KCNQ3: variants seen among roughly 807,000 people sequenced by gnomAD.
KCNQ3 encodes potassium voltage-gated channel subfamily Q member 3.
In KCNQ3, 30 loss-of-function variants were observed where a neutral mutation model predicts 92.5. The ratio of observed to expected loss-of-function variants is 0.32; its 90% CI spans 0.24 to 0.44. The LOEUF is 0.44. KCNQ3 is among the 20% of genes least tolerant of loss of function. The pLI, the probability that KCNQ3 is intolerant of heterozygous loss-of-function variation, is 1.00. For missense variants in KCNQ3, 913 were observed against 1,140.3 expected, an observed-to-expected ratio of 0.80 and a Z score of 2.87; for synonymous variants, 450 against 468.8, an observed-to-expected ratio of 0.96 and a Z score of 0.52.
At chr8:132,405,563 C>T (rs905390803) in intron 1 of KCNQ3, among the ~76,000 whole-genome samples, 5 of 152,120 alleles carry the variant, frequency 3.3e-5, no homozygotes, top group Admixed American at 2.6e-4. Flanking sequence ...GATAAAGCAC[C>T]CACTCAGTGT....
intron 1 of KCNQ3, among the ~76,000 whole-genome samples, chr8:132,444,767 T>C (rs891117671): frequency 2.6e-5 from 4 of 152,174 alleles, no homozygotes; most frequent in African/African-American, 9.7e-5. Context: ...TTTGGTGGCA[T>C]TGGACTTTGA....
chr8:132,341,953 C>A (rs1478150408), intron 1 of KCNQ3, among the ~76,000 whole-genome samples: 5 of 152,218 alleles, frequency 3.3e-5, no homozygotes, highest in Admixed American at 1.3e-4. Context: ...CTCTTTCTTC[C>A]TATTCCTCCT....
chr8:132,303,677 T>TATACACAC (rs376933089), intron 1 of KCNQ3, among the ~76,000 whole-genome samples: 20,496 of 85,108 alleles, frequency 0.24, 3,515 homozygotes, highest in African/African-American at 0.43. Context: ...TATATATATA[T>TATACACAC]ACACACACAC....
At chr8:132,153,350 A>G (rs1164652283) in intron 9 of KCNQ3, among the ~76,000 whole-genome samples, 1 of 152,182 alleles carries the variant, frequency 6.6e-6, no homozygotes, top group Non-Finnish European at 1.5e-5. Flanking sequence ...TATGTGTCAT[A>G]AGACATCCTT....
chr8:132,214,794 T>C (rs912191849), intron 1 of KCNQ3, among the ~76,000 whole-genome samples: 7 of 152,194 alleles, frequency 4.6e-5, no homozygotes, highest in Admixed American at 1.3e-4. Context: ...TTAGACAGAT[T>C]AGAGGTGGAA....
chr8:132,225,946 T>G (rs1814401752), intron 1 of KCNQ3, among the ~76,000 whole-genome samples: 1 of 152,110 alleles, frequency 6.6e-6, no homozygotes, highest in Non-Finnish European at 1.5e-5. Context: ...CTCCCTACTT[T>G]GAGATTCTGC....
intron 1 of KCNQ3, among the ~76,000 whole-genome samples, chr8:132,450,936 T>C (rs1333007365): frequency 1.3e-5 from 2 of 152,230 alleles, no homozygotes; most frequent in African/African-American, 2.4e-5. Context: ...CAGAGAAGGA[T>C]GGAATGTCTA....
At chr8:132,349,511 C>T (rs891811534) in intron 1 of KCNQ3, among the ~76,000 whole-genome samples, 10 of 152,344 alleles carry the variant, frequency 6.6e-5, no homozygotes, top group African/African-American at 2.2e-4. Flanking sequence ...GGACTTGTCA[C>T]GTGACTTGCT....
At chr8:132,354,880 T>C (rs561612896) in intron 1 of KCNQ3, among the ~76,000 whole-genome samples, 1 of 152,282 alleles carries the variant, frequency 6.6e-6, no homozygotes, top group Admixed American at 6.5e-5. Context: ...CAGTCCTCAG[T>C]ATACAGCCAC....
At chr8:132,316,275 C>T (rs1180771141) in intron 1 of KCNQ3, among the ~76,000 whole-genome samples, 3 of 152,182 alleles carry the variant, frequency 2.0e-5, no homozygotes, top group African/African-American at 4.8e-5. Flanking sequence ...CTTGCCTCCT[C>T]TCCGCTGAAG....
chr8:132,188,620 C>T (rs111613902), intron 1 of KCNQ3, among the ~76,000 whole-genome samples: 2,928 of 152,286 alleles, frequency 0.019, 107 homozygotes, highest in African/African-American at 0.068. Flanking sequence ...AGTTAACTAT[C>T]ATTTTATTGC....
In KCNQ3 at chr8:132,284,671, A is replaced by G. The variant is rs189696403; in HGVS notation, c.387-98490T>C. ...TTTCCAAGGAAAAGAAGTTCAGGTCATATTTACTAGCCTTAGGATTAGACA... is the reference window on the plus strand; with the variant it reads ...TTTCCAAGGAAAAGAAGTTCAGGTCGTATTTACTAGCCTTAGGATTAGACA... On this transcript the variant is annotated intron_variant, in intron 1 of 14. Transcript: ENST00000388996. 4.0e-3 allele frequency among the ~76,000 whole-genome samples: 612 copies of G among 152,322 alleles called. 1 individual carries two copies. The highest frequency in any genetic ancestry group is 6.8e-3 in the Non-Finnish European group (462 of 68,038).
At chr8:132,153,027 T>C (rs1825685494) in intron 9 of KCNQ3, among the ~76,000 whole-genome samples, 1 of 151,936 alleles carries the variant, frequency 6.6e-6, no homozygotes. Flanking sequence ...TCAAAACCTG[T>C]TATAAGTTTG....
chr8:132,316,069 G>A (rs374297836), intron 1 of KCNQ3, among the ~76,000 whole-genome samples: 6 of 152,130 alleles, frequency 3.9e-5, no homozygotes, highest in South Asian at 2.1e-4. Flanking sequence ...GGCTTTTAAC[G>A]TGTGAGTTAC....
chr8:132,157,318 T>C (rs1403371025), intron 9 of KCNQ3, among the ~76,000 whole-genome samples: 2 of 152,208 alleles, frequency 1.3e-5, no homozygotes, highest in East Asian at 1.9e-4. Flanking sequence ...TTCCCTATTT[T>C]TGAAGTCATA....
At chr8:132,339,528 G>A (rs911485967) in intron 1 of KCNQ3, among the ~76,000 whole-genome samples, 5 of 152,188 alleles carry the variant, frequency 3.3e-5, no homozygotes, top group African/African-American at 1.2e-4. Context: ...TCCTTAAGAT[G>A]GGGCAGGGGT....
intron 1 of KCNQ3, among the ~76,000 whole-genome samples, chr8:132,278,898 G>A (rs561238438): frequency 1.3e-5 from 2 of 152,258 alleles, no homozygotes; most frequent in African/African-American, 2.4e-5. Flanking sequence ...CTGCACATTA[G>A]TATCAGTAGA....
At chr8:132,383,382 G>A (rs1314140922) in intron 1 of KCNQ3, among the ~76,000 whole-genome samples, 2 of 152,250 alleles carry the variant, frequency 1.3e-5, no homozygotes, top group African/African-American at 2.4e-5. Flanking sequence ...AGCGAGGGAG[G>A]TAGAGGCACT....
In KCNQ3 at chr8:132,474,345, C is replaced by T. The variant is rs539414116; in HGVS notation, c.386+5802G>A. Among the ~76,000 whole-genome samples the T allele has an allele frequency of 2.0e-5, 3 of 152,240 alleles. No homozygotes were observed. In the East Asian group the frequency reaches 5.8e-4, roughly 29 times the overall value. The stretch of plus-strand genomic sequence containing the variant: ...AATTTATAGGTCATCCCCAACTTGA[C>T]TCCTGCAGTCACAGAGACACAAAGC... On this transcript the variant is annotated intron_variant, in intron 1 of 14. Coordinates refer to ENST00000388996, the MANE Select transcript of KCNQ3 (RefSeq NM_004519.4).
Sources: gnomAD v4.1 joint callset for allele counts (sites outside exome capture counted in the v4.1 genomes callset) on GRCh38, gnomAD v4.1.1 for gene constraint, MANE v1.5 for transcripts, NCBI Gene and HGNC (gene_info 2026-07-23, HGNC 2026-07-21) for gene names.